Variants in CAMTA1 observed in about 807,000 individuals in gnomAD.
CAMTA1 encodes calmodulin-binding transcription activator 1.
CAMTA1 carries 27 observed loss-of-function variants against 170.9 expected under a neutral mutation model. The observed-to-expected ratio is 0.16, with a 90% CI of 0.12 to 0.22. The LOEUF (loss-of-function observed/expected upper bound fraction) is 0.22, where lower values mean the gene tolerates loss of function less well. Among genes scored for constraint, CAMTA1 ranks in the 10% least tolerant of loss-of-function variants. The pLI is 1.00. For missense variants in CAMTA1, 1,619 were observed against 2,217.2 expected (o/e 0.73, Z 5.42); for synonymous variants, 833 against 891.5 (o/e 0.93, Z 1.17).
At chr1:7,377,407 T>G (rs1396722119) in intron 5 of CAMTA1, among the ~76,000 whole-genome samples, 1 of 152,228 alleles carries the variant, frequency 6.6e-6, no homozygotes, top group Non-Finnish European at 1.5e-5. Flanking sequence ...TACTGTTCTC[T>G]ATTCTCAGGC....
intron 3 of CAMTA1, among the ~76,000 whole-genome samples, chr1:6,899,552 G>GCACACACACACACACACA (rs916090781): frequency 9.5e-6 from 1 of 104,716 alleles, no homozygotes; most frequent in Non-Finnish European, 2.0e-5. Context: ...GCACGCGCGC[G>GCACACACACACACACACA]CGCACACACA....
chr1:7,552,322 G>C (rs977795953), intron 6 of CAMTA1, among the ~76,000 whole-genome samples: 4 of 152,328 alleles, frequency 2.6e-5, no homozygotes, highest in Non-Finnish European at 4.4e-5. Context: ...CCCCTGCAAG[G>C]TGCCGTAAAG....
intron 5 of CAMTA1, among the ~76,000 whole-genome samples, chr1:7,407,309 G>A (rs926219148): frequency 1.3e-5 from 2 of 152,198 alleles, no homozygotes; most frequent in African/African-American, 4.8e-5. Context: ...TTAAAGCCAG[G>A]GCCTTTGGTG....
At chr1:7,676,880 A>C (rs926056600) in intron 10 of CAMTA1, among the ~76,000 whole-genome samples, 1 of 152,230 alleles carries the variant, frequency 6.6e-6, no homozygotes, top group Non-Finnish European at 1.5e-5. Flanking sequence ...TCTTACTCAC[A>C]GTGAGAACAT....
At chr1:6,862,243 G>A (rs1343460530) in intron 3 of CAMTA1, among the ~76,000 whole-genome samples, 6 of 152,190 alleles carry the variant, frequency 3.9e-5, no homozygotes, top group African/African-American at 1.4e-4. Flanking sequence ...AAAGTGCTAG[G>A]ATTGCAGGCG....
intron 3 of CAMTA1, among the ~76,000 whole-genome samples, chr1:7,062,592 T>TGTGGGGTGGGGAGCC (rs1708384920): frequency 6.6e-6 from 1 of 151,810 alleles, no homozygotes; most frequent in Admixed American, 6.6e-5. Context: ...GCTAAGGAGC[T>TGTGGGGTGGGGAGCC]GTGGGGTGGG....
In CAMTA1 at chr1:6,820,195, T is replaced by C. The variant is rs1351718545; in HGVS notation, c.60T>C (p.Ser20=). ...PKTSRKSVSQ[S]VFCGTSTYCV... Reference sequence around the variant, plus strand: ...TGTTTCCTTAGAGCGTTTCCCAAAGTGTATTCTGCGGAACTAGCACCTACT... The same window carrying C: ...TGTTTCCTTAGAGCGTTTCCCAAAGCGTATTCTGCGGAACTAGCACCTACT... The change falls in exon 2 of 23, where the codon AGT becomes AGC. Residue 20 remains serine, a synonymous_variant. Transcript: ENST00000303635. 6 of 1,593,742 alleles carry C rather than the reference T, an allele frequency of 3.8e-6. No homozygotes were observed. Among genetic ancestry groups the C allele is most frequent in the Non-Finnish European group, 5.2e-6 (6 of 1,161,348 alleles).
At chr1:7,468,452 G>A (rs1045942126) in intron 6 of CAMTA1, among the ~76,000 whole-genome samples, 1 of 152,216 alleles carries the variant, frequency 6.6e-6, no homozygotes, top group Non-Finnish European at 1.5e-5. Flanking sequence ...AGAGTGGCCT[G>A]GTGCCCAGAT....
intron 5 of CAMTA1, among the ~76,000 whole-genome samples, chr1:7,400,148 A>G (rs74055417): frequency 0.031 from 4,647 of 152,208 alleles, 162 homozygotes; most frequent in African/African-American, 0.082. Context: ...AAGTCCTATA[A>G]GCTTTGTTTA....
chr1:7,264,183 G>A (rs1216035386), intron 5 of CAMTA1, among the ~76,000 whole-genome samples: 2 of 152,214 alleles, frequency 1.3e-5, no homozygotes, highest in African/African-American at 4.8e-5. Flanking sequence ...GCAGACAGGT[G>A]CCCTGGGGAT....
At chr1:6,976,292 C>T (rs545879950) in intron 3 of CAMTA1, among the ~76,000 whole-genome samples, 70 of 152,302 alleles carry the variant, frequency 4.6e-4, no homozygotes, top group Non-Finnish European at 7.8e-4. Flanking sequence ...GCAGGACCTC[C>T]TGCTGTGTGT....
rs1366643245 is a variant in CAMTA1, at chr1:7,012,229, A to AAGT, written c.235-79073_235-79071dup. Among the ~76,000 whole-genome samples, 12 of 152,082 alleles carry AAGT rather than the reference A, an allele frequency of 7.9e-5. No homozygotes were observed. The East Asian group carries it at 2.3e-3, about 30-fold the overall frequency. On this transcript the variant is annotated intron_variant, in intron 3 of 22. Transcript: ENST00000303635. ...CTTCCCATTCTCCAAGGTGACTCTT[A>AAGT]AGTACCTTCACCCTCTCTCAAGCCC...
At chr1:7,539,434 A>C (rs924681319) in intron 6 of CAMTA1, among the ~76,000 whole-genome samples, 2 of 152,254 alleles carry the variant, frequency 1.3e-5, no homozygotes, top group African/African-American at 4.8e-5. Flanking sequence ...GAAAGATAGT[A>C]CAAGTGGGCC....
chr1:7,189,939 T>C (rs1654202738), intron 4 of CAMTA1, among the ~76,000 whole-genome samples: 2 of 152,224 alleles, frequency 1.3e-5, no homozygotes, highest in South Asian at 2.1e-4. Context: ...TTTGGCACCA[T>C]CTTTTTACAC....
chr1:7,450,104 AG>A (rs770359614), intron 5 of CAMTA1, among the ~76,000 whole-genome samples: 33 of 152,266 alleles, frequency 2.2e-4, no homozygotes, highest in Admixed American at 4.6e-4. Context: ...TGGGGACTGC[AG>A]GCACCAACTT....
intron 11 of CAMTA1, among the ~76,000 whole-genome samples, chr1:7,683,783 G>A (rs2149337084): frequency 6.6e-6 from 1 of 152,328 alleles, no homozygotes; most frequent in South Asian, 2.1e-4. Flanking sequence ...CGCTGTCTGT[G>A]GGGCCTCCGT....
At chr1:7,377,542 G>T (rs1442780026) in intron 5 of CAMTA1, among the ~76,000 whole-genome samples, 2 of 152,204 alleles carry the variant, frequency 1.3e-5, no homozygotes, top group Non-Finnish European at 2.9e-5. Flanking sequence ...TTTCGCTCTG[G>T]ATCTGTTTAG....
intron 5 of CAMTA1, among the ~76,000 whole-genome samples, chr1:7,377,026 A>T (rs760667589): frequency 1.1e-4 from 17 of 152,122 alleles, no homozygotes; most frequent in Non-Finnish European, 2.5e-4. Context: ...GCAAGATGGC[A>T]CTCAAGCTCC....
At chr1:7,208,115 G>A (rs1289960779) in intron 4 of CAMTA1, among the ~76,000 whole-genome samples, 1 of 152,248 alleles carries the variant, frequency 6.6e-6, no homozygotes, top group Non-Finnish European at 1.5e-5. Context: ...AGCATTGCAG[G>A]TGTAGACCGG....
Sources: allele counts gnomAD v4.1 joint callset (sites outside exome capture counted in the v4.1 genomes callset), GRCh38; gene constraint gnomAD v4.1.1; transcripts MANE v1.5; gene names NCBI Gene and HGNC (gene_info 2026-07-23, HGNC 2026-07-21).